BCAS3: variants seen among roughly 807,000 people sequenced by gnomAD.
The protein encoded by BCAS3 is BCAS4/BCAS3 fusion.
A neutral mutation model predicts 116.1 loss-of-function variants in BCAS3; 53 were observed. The observed-to-expected ratio is 0.46, with a 90% CI of 0.37 to 0.57. The LOEUF is 0.57. Ranked by LOEUF, BCAS3 falls within the 20% of genes least tolerant of loss-of-function variation. The pLI, the probability that BCAS3 is intolerant of heterozygous loss-of-function variation, is 0.00. For missense variants in BCAS3, 917 were observed against 1,165.4 expected (o/e 0.79, Z 3.10); for synonymous variants, 391 against 408.2 (o/e 0.96, Z 0.51).
chr17:61,293,611 C>T (rs955624575), intron 22 of BCAS3, among the ~76,000 whole-genome samples: 1 of 152,192 alleles, frequency 6.6e-6, no homozygotes, highest in Admixed American at 6.5e-5. Flanking sequence ...ATTTCTAAGA[C>T]ATTAAATCAC....
At chr17:61,054,627 A>G (rs996329137) in intron 19 of BCAS3, among the ~76,000 whole-genome samples, 2 of 152,004 alleles carry the variant, frequency 1.3e-5, no homozygotes. Flanking sequence ...ACCCACCTCA[A>G]CCTCCTGTAG....
At position 61,004,893 on chromosome 17, in the gene BCAS3, A is replaced by G. The variant is rs2064542862; in HGVS notation, c.1487-10858A>G. 6.6e-6 allele frequency among the ~76,000 whole-genome samples: 1 copy of G among 152,170 alleles called. No individual in the cohort carries two copies. Among genetic ancestry groups the G allele is most frequent in the African/African-American group, 2.4e-5 (1 of 41,448 alleles). On this transcript the variant is annotated intron_variant, in intron 15 of 23. Coordinates refer to ENST00000407086, the MANE Select transcript of BCAS3 (RefSeq NM_017679.5). This position sits in a 1 kb window ranked among gnomAD's most constrained non-coding sequence, Gnocchi z 4.8. The stretch of plus-strand genomic sequence containing the variant: ...ATTTTCTGTGTTAAGAGCCATCTCT[A>G]GTAAGGAATGCTTAATTAATGTTCA...
intron 13 of BCAS3, among the ~76,000 whole-genome samples, chr17:60,940,316 G>A (rs1224513308): frequency 6.6e-6 from 1 of 152,158 alleles, no homozygotes; most frequent in Non-Finnish European, 1.5e-5. Flanking sequence ...TAGCAAATTT[G>A]ATAACGATAT....
At chr17:61,078,973 A>G (rs1411511781) in intron 21 of BCAS3, among the ~76,000 whole-genome samples, 1 of 152,202 alleles carries the variant, frequency 6.6e-6, no homozygotes, top group Non-Finnish European at 1.5e-5. Context: ...TATAAATTCA[A>G]TTATAGTTTA....
chr17:61,242,105 C>T (rs1187222745), intron 22 of BCAS3, among the ~76,000 whole-genome samples: 9 of 151,914 alleles, frequency 5.9e-5, no homozygotes, highest in Non-Finnish European at 8.8e-5. Flanking sequence ...GGAGAAACCC[C>T]GTCTCTACTA....
chr17:60,702,872 T>G (rs1454763063), intron 4 of BCAS3, among the ~76,000 whole-genome samples: 1 of 152,070 alleles, frequency 6.6e-6, no homozygotes, highest in African/African-American at 2.4e-5. Flanking sequence ...ATTACAGGCG[T>G]GAGCCACCAT....
chr17:60,868,672 T>C lies in BCAS3; in HGVS notation c.573T>C (p.His191=), dbSNP rs1599299682. 3 of 1,581,150 alleles carry C rather than the reference T, an allele frequency of 1.9e-6. No individual in the cohort carries two copies. Among genetic ancestry groups the C allele is most frequent in the African/African-American group, 1.4e-5 (1 of 72,750 alleles). ...TTAAGACACCTATTTATGATCTCCATTGCAATAAACGGTAAGGATTTTTTC... is the reference window on the plus strand; with the variant it reads ...TTAAGACACCTATTTATGATCTCCACTGCAATAAACGGTAAGGATTTTTTC... The part of the protein sequence containing the change: ...IQFKTPIYDL[H]CNKRILVVVL... The change falls in exon 8 of 24, where the codon CAT becomes CAC. Residue 191 remains histidine, a synonymous_variant. Transcript: ENST00000407086.
Position 61,105,486 on chromosome 17 carries a change from G to A in BCAS3, c.2425+20922G>A, listed in dbSNP as rs184671029. On this transcript the variant is annotated intron_variant, in intron 22 of 23. Coordinates refer to ENST00000407086, the MANE Select transcript of BCAS3 (RefSeq NM_017679.5). The surrounding 1 kb of genome is among the most constrained non-coding windows in gnomAD (Gnocchi z 4.3). ...GTTGCCCAGGCTGCAGTGCAATGGC[G>A]CGACCTTGGCTCAAAGCAAGCTCTG... Among the ~76,000 whole-genome samples the A allele has an allele frequency of 6.6e-4, 101 of 152,248 alleles. No homozygotes were observed. Among genetic ancestry groups the A allele is most frequent in the Non-Finnish European group, 8.8e-4 (60 of 68,026 alleles).
chr17:60,814,304 TGTGCGCGC>T (rs1192245020), intron 7 of BCAS3, among the ~76,000 whole-genome samples: 5 of 136,704 alleles, frequency 3.7e-5, no homozygotes, highest in African/African-American at 1.5e-4. Context: ...TGTGTGTGTG[TGTGCGCGC>T]GTGCCCATTG....
At chr17:60,977,181 T>G (rs1467220604) in intron 14 of BCAS3, among the ~76,000 whole-genome samples, 1 of 152,098 alleles carries the variant, frequency 6.6e-6, no homozygotes, top group African/African-American at 2.4e-5. Context: ...TTTTTAAGCT[T>G]TTATTTTTTA....
intron 3 of BCAS3, among the ~76,000 whole-genome samples, chr17:60,684,734 G>C (rs1279717683): frequency 6.6e-6 from 1 of 152,096 alleles, no homozygotes; most frequent in Non-Finnish European, 1.5e-5. Context: ...GGGAAGCACT[G>C]TTCTAGTGGG....
At chr17:61,183,371 C>T (rs2079586940) in intron 22 of BCAS3, among the ~76,000 whole-genome samples, 1 of 151,886 alleles carries the variant, frequency 6.6e-6, no homozygotes, top group South Asian at 2.1e-4. Flanking sequence ...GAAATTTTCC[C>T]TTATCTCCGT....
At chr17:60,996,342 T>TA (rs1383102886) in intron 15 of BCAS3, among the ~76,000 whole-genome samples, 1 of 152,206 alleles carries the variant, frequency 6.6e-6, no homozygotes, top group Non-Finnish European at 1.5e-5. Context: ...AAGTTGTTTA[T>TA]AGTGAAGACT....
intron 5 of BCAS3, among the ~76,000 whole-genome samples, chr17:60,743,384 A>G (rs141638669): frequency 6.6e-6 from 1 of 152,196 alleles, no homozygotes; most frequent in African/African-American, 2.4e-5. Flanking sequence ...CCTTCTGAGT[A>G]TCCATAATAT....
In BCAS3 at chr17:61,104,492, C is replaced by G. The variant is rs2074519026; in HGVS notation, c.2425+19928C>G. On this transcript the variant is annotated intron_variant, in intron 22 of 23. Coordinates refer to ENST00000407086, the MANE Select transcript of BCAS3 (RefSeq NM_017679.5). The surrounding 1 kb of genome is among the most constrained non-coding windows in gnomAD (Gnocchi z 4.1). ...AAATGCCTTGGAACATCAGTAATTA[C>G]TATTTGAGGCAACCTTTGGGGATTG... is the stretch of plus-strand genomic sequence containing the variant. 1.3e-5 allele frequency among the ~76,000 whole-genome samples: 2 copies of G among 152,262 alleles called. No individual in the cohort carries two copies. Among genetic ancestry groups the G allele is most frequent in the South Asian group, 2.1e-4 (1 of 4,826 alleles).
chr17:61,279,682 C>T lies in BCAS3; in HGVS notation c.2426-88645C>T, dbSNP rs1207669339. ...CTTGGAGGACACAGAGTTGTTCAGT[C>T]CATCCTGGTGTAGACCACAAACCAT... On this transcript the variant is annotated intron_variant, in intron 22 of 23. Transcript: ENST00000407086. This position sits in a 1 kb window ranked among gnomAD's most constrained non-coding sequence, Gnocchi z 4.4. 6.6e-6 allele frequency among the ~76,000 whole-genome samples: 1 copy of T among 152,076 alleles called. No homozygotes were observed. The highest frequency in any genetic ancestry group is 2.1e-4 in the South Asian group (1 of 4,822).
chr17:60,826,978 A>C (rs1244510064), intron 7 of BCAS3, among the ~76,000 whole-genome samples: 1 of 152,126 alleles, frequency 6.6e-6, no homozygotes, highest in Non-Finnish European at 1.5e-5. Context: ...GTATTTGATA[A>C]TTTTTTTCAT....
rs1452065540 is a variant in BCAS3, at chr17:61,251,178, G to C, written c.2426-117149G>C. 6.6e-6 allele frequency among the ~76,000 whole-genome samples: 1 copy of C among 152,228 alleles called. No individual in the cohort carries two copies. Among genetic ancestry groups the C allele is most frequent in the Non-Finnish European group, 1.5e-5 (1 of 68,038 alleles). Reference sequence around the variant, plus strand: ...GGAAGGTGAGACATTGGAGGCCTCAGCCTGGTGTCCCAGACAGTATTTGTC... The same window carrying C: ...GGAAGGTGAGACATTGGAGGCCTCACCCTGGTGTCCCAGACAGTATTTGTC... On this transcript the variant is annotated intron_variant, in intron 22 of 23. Transcript: ENST00000407086. This position sits in a 1 kb window ranked among gnomAD's most constrained non-coding sequence, Gnocchi z 4.7.
chr17:61,283,982 A>C (rs983961219), intron 22 of BCAS3, among the ~76,000 whole-genome samples: 1 of 152,170 alleles, frequency 6.6e-6, no homozygotes. Context: ...CTTTAGTTGT[A>C]TCTTTGGTAT....
Sources: allele counts gnomAD v4.1 joint callset (sites outside exome capture counted in the v4.1 genomes callset), GRCh38; gene constraint gnomAD v4.1.1; non-coding constraint Gnocchi (gnomAD v3.1); transcripts MANE v1.5; gene names NCBI Gene and HGNC (gene_info 2026-07-23, HGNC 2026-07-21).